PIAS1: variants seen among roughly 807,000 people sequenced by gnomAD.
PIAS1 encodes the protein protein inhibitor of activated STAT 1.
In PIAS1, 6 loss-of-function variants were observed where a neutral mutation model predicts 71.3. That is an observed-to-expected ratio of 0.08 (90% CI 0.05 to 0.17). The LOEUF (loss-of-function observed/expected upper bound fraction) is 0.17, where lower values mean the gene tolerates loss of function less well. Ranked by LOEUF, PIAS1 falls within the 10% of genes least tolerant of loss-of-function variation. The probability of loss-of-function intolerance (pLI) is 1.00; values close to 1 mark genes in which losing one functional copy is unlikely to be tolerated. For synonymous variants in PIAS1, 303 were observed against 292.9 expected (o/e 1.03, Z -0.35); for missense variants, 555 against 793.6 (o/e 0.70, Z 3.61).
intron 1 of PIAS1, among the ~76,000 whole-genome samples, chr15:68,065,587 A>AG (rs990345854): frequency 8.0e-6 from 1 of 125,496 alleles, no homozygotes; most frequent in Non-Finnish European, 1.8e-5. Context: ...CCCTGTCTCG[A>AG]GAAAAAAAAA....
At chr15:68,100,095 C>T (rs76970901) in intron 2 of PIAS1, among the ~76,000 whole-genome samples, 4,419 of 109,208 alleles carry the variant, frequency 0.04, 150 homozygotes, top group African/African-American at 0.1. Flanking sequence ...TGTATTTCTT[C>T]GGGAAAAAAA....
chr15:68,079,866 G>GT (rs1464716322), intron 1 of PIAS1, among the ~76,000 whole-genome samples: 1 of 151,580 alleles, frequency 6.6e-6, no homozygotes, highest in East Asian at 1.9e-4. Context: ...GAGTTTCGCT[G>GT]TTGTTGCCCA....
intron 1 of PIAS1, among the ~76,000 whole-genome samples, chr15:68,073,438 G>A (rs1206848060): frequency 6.6e-6 from 1 of 152,170 alleles, no homozygotes; most frequent in African/African-American, 2.4e-5. Context: ...TATAGACAGA[G>A]CATGTATTTT....
At chr15:68,124,595 C>G (rs2092637023) in intron 2 of PIAS1, among the ~76,000 whole-genome samples, 1 of 152,002 alleles carries the variant, frequency 6.6e-6, no homozygotes, top group African/African-American at 2.4e-5. Flanking sequence ...GTGGTGCATG[C>G]CTGTAATCCC....
At chr15:68,056,657 TA>T (rs996704766) in intron 1 of PIAS1, among the ~76,000 whole-genome samples, 1 of 152,112 alleles carries the variant, frequency 6.6e-6, no homozygotes, top group Non-Finnish European at 1.5e-5. Flanking sequence ...ATAGCGGCGT[TA>T]AAAAAATTTG....
At chr15:68,130,710 A>ATATAGTTGTG (rs1219735559) in intron 2 of PIAS1, among the ~76,000 whole-genome samples, 1 of 151,730 alleles carries the variant, frequency 6.6e-6, no homozygotes, top group Non-Finnish European at 1.5e-5. Flanking sequence ...CACTTTTTGA[A>ATATAGTTGTG]TATAGTTGTG....
intron 1 of PIAS1, among the ~76,000 whole-genome samples, chr15:68,070,521 C>T (rs1175593681): frequency 6.6e-6 from 1 of 152,086 alleles, no homozygotes; most frequent in Non-Finnish European, 1.5e-5. Flanking sequence ...GGTACTAAAA[C>T]TTTACTTCAG....
At chr15:68,113,260 C>T (rs2092537766) in intron 2 of PIAS1, among the ~76,000 whole-genome samples, 1 of 152,016 alleles carries the variant, frequency 6.6e-6, no homozygotes, top group African/African-American at 2.4e-5. Context: ...AGATTGTATA[C>T]CAAAATGTTT....
chr15:68,108,691 C>T (rs1426011579), intron 2 of PIAS1, among the ~76,000 whole-genome samples: 2 of 152,138 alleles, frequency 1.3e-5, no homozygotes, highest in East Asian at 3.9e-4. Flanking sequence ...AGTCTACCCT[C>T]AGTATTCTCC....
intron 2 of PIAS1, among the ~76,000 whole-genome samples, chr15:68,113,255 G>A (rs1191683056): frequency 6.6e-6 from 1 of 152,062 alleles, no homozygotes; most frequent in Non-Finnish European, 1.5e-5. Flanking sequence ...CTAGAAGATT[G>A]TATACCAAAA....
intron 1 of PIAS1, among the ~76,000 whole-genome samples, chr15:68,060,331 A>C (rs2091944243): frequency 6.6e-6 from 1 of 152,056 alleles, no homozygotes. Flanking sequence ...TGGCATTTTA[A>C]AACTATATTG....
At chr15:68,177,266 G>A (rs931912472) in intron 11 of PIAS1, among the ~76,000 whole-genome samples, 117 of 113,532 alleles carry the variant, frequency 1.0e-3, no homozygotes, top group African/African-American at 3.7e-3. Context: ...GCAACAGAGC[G>A]AGACTTTGTC....
intron 12 of PIAS1, among the ~76,000 whole-genome samples, chr15:68,182,425 A>AGTGTGTGTGTGTGTGTGTGTGTGT (rs10532167): frequency 8.1e-6 from 1 of 123,278 alleles, no homozygotes; most frequent in Admixed American, 8.2e-5. Flanking sequence ...AGTTACAGCT[A>AGTGTGTGTGTGTGTGTGTGTGTGT]GTGTGTGTGT....
intron 1 of PIAS1, among the ~76,000 whole-genome samples, chr15:68,070,461 G>T (rs559510231): frequency 6.6e-6 from 1 of 152,278 alleles, no homozygotes; most frequent in South Asian, 2.1e-4. Flanking sequence ...GGTAGCTGAG[G>T]GTGGAAAGTA....
chr15:68,105,917 C>G (rs950240446), intron 2 of PIAS1, among the ~76,000 whole-genome samples: 1 of 152,002 alleles, frequency 6.6e-6, no homozygotes, highest in Admixed American at 6.6e-5. Flanking sequence ...TTAGATTTTT[C>G]AATATAAAAT....
intron 2 of PIAS1, among the ~76,000 whole-genome samples, chr15:68,096,908 T>G (rs149315341): frequency 0.019 from 2,853 of 152,266 alleles, 27 homozygotes; most frequent in Non-Finnish European, 0.022. Context: ...TTTCATTTTT[T>G]TGTGTGTGTG....
chr15:68,192,624 A>G lies in PIAS1; in HGVS notation c.*4789A>G, dbSNP rs1299176673. ...GCCTTGTTTGGGTCTGAAGCCACAC[A>G]GCATCGTTGAGACAGTTGCACTAAC... is the stretch of plus-strand genomic sequence containing the variant. On this transcript the variant is annotated 3_prime_UTR_variant, in exon 14 of 14. Transcript: ENST00000249636. The G allele has an allele frequency of 6.6e-6, 1 of 152,224 alleles. No individual in the cohort carries two copies. The highest frequency in any genetic ancestry group is 1.5e-5 in the Non-Finnish European group (1 of 68,058). The allele number at this position is 152,224 out of a possible 1,614,324, so 9.4% of individuals were successfully genotyped here. A position where few individuals can be genotyped will look rare whatever the true frequency, so the allele number is the denominator to read the frequency against.
At chr15:68,055,262 G>A in intron 1 of PIAS1, 2 of 962,830 alleles carry the variant, frequency 2.1e-6, no homozygotes, top group Non-Finnish European at 2.5e-6. Context: ...TCCCCCCATT[G>A]CCTTTTGTTT....
At chr15:68,104,346 A>C (rs2092452300) in intron 2 of PIAS1, among the ~76,000 whole-genome samples, 1 of 152,004 alleles carries the variant, frequency 6.6e-6, no homozygotes. Context: ...TTTATTTTCT[A>C]ATGGTTTGGG....
Sources: allele counts gnomAD v4.1 joint callset (sites outside exome capture counted in the v4.1 genomes callset), GRCh38; gene constraint gnomAD v4.1.1; transcripts MANE v1.5; gene names NCBI Gene and HGNC (gene_info 2026-07-23, HGNC 2026-07-21).